STON1: variants seen among roughly 807,000 people sequenced by gnomAD.
The protein encoded by STON1 is stonin-1.
A neutral mutation model predicts 60.9 loss-of-function variants in STON1; 79 were observed. The ratio of observed to expected loss-of-function variants is 1.30; its 90% CI spans 1.08 to 1.56. STON1 has a LOEUF of 1.56. STON1 is among the 40% of genes most tolerant of loss of function. The pLI, the probability that STON1 is intolerant of heterozygous loss-of-function variation, is 0.00. For synonymous variants in STON1, 363 were observed against 306.9 expected (o/e 1.18, Z -1.91); for missense variants, 1,166 against 858.9 (o/e 1.36, Z -4.47).
chr2:48,530,694 C>G (rs998715623), intron 1 of STON1: 1 of 152,522 alleles, frequency 6.6e-6, no homozygotes, highest in Non-Finnish European at 1.5e-5. Flanking sequence ...TTGTCCCTCC[C>G]CGCTCCCTGG....
At position 48,582,028 on chromosome 2, in the gene STON1, G is replaced by A; in HGVS notation, c.1395G>A (p.Lys465=). ...FLTLNDLELP[K]RDESYYEKDS... Reference sequence around the variant, plus strand: ...CCTTGAATGACCTTGAGTTGCCGAAGCGAGATGAATCCTATTATGAGAAGG... The same window carrying A: ...CCTTGAATGACCTTGAGTTGCCGAAACGAGATGAATCCTATTATGAGAAGG... Residue 465 remains lysine (K), a synonymous_variant, in exon 2 of 4, where the codon AAG becomes AAA. Coordinates refer to ENST00000404752, the MANE Select transcript of STON1 (RefSeq NM_006873.4). 11 of 1,614,148 alleles carry A rather than the reference G, an allele frequency of 6.8e-6. No individual in the cohort carries two copies. Among genetic ancestry groups the A allele is most frequent in the Non-Finnish European group, 9.3e-6 (11 of 1,180,034 alleles).
intron 1 of STON1, among the ~76,000 whole-genome samples, chr2:48,536,837 C>G (rs937595353): frequency 6.6e-6 from 1 of 152,132 alleles, no homozygotes; most frequent in African/African-American, 2.4e-5. Flanking sequence ...CTATAAATGT[C>G]TTCTACAACT....
chr2:48,583,175 A>G (rs1558639554), intron 2 of STON1, among the ~76,000 whole-genome samples: 1 of 152,194 alleles, frequency 6.6e-6, no homozygotes, highest in Non-Finnish European at 1.5e-5. Context: ...TGCAGCCTCC[A>G]CTTCCCAGGC....
chr2:48,554,727 TTTA>T (rs1165542409), intron 1 of STON1, among the ~76,000 whole-genome samples: 5,287 of 48,474 alleles, frequency 0.11, 414 homozygotes, highest in Non-Finnish European at 0.16. Context: ...TTTTTTTTTA[TTTA>T]TTTATTTATT....
intron 1 of STON1, among the ~76,000 whole-genome samples, chr2:48,552,168 A>C (rs1413964655): frequency 6.6e-6 from 1 of 152,250 alleles, no homozygotes; most frequent in Non-Finnish European, 1.5e-5. Context: ...TTCAGCCTTA[A>C]AAAGGAATGA....
At chr2:48,540,356 C>T (rs1226192213) in intron 1 of STON1, among the ~76,000 whole-genome samples, 1 of 152,170 alleles carries the variant, frequency 6.6e-6, no homozygotes, top group Non-Finnish European at 1.5e-5. Flanking sequence ...TTCTGCCCTC[C>T]TTTCACTTAC....
chr2:48,562,891 A>G (rs1434361797), intron 1 of STON1, among the ~76,000 whole-genome samples: 1 of 152,224 alleles, frequency 6.6e-6, no homozygotes, highest in Non-Finnish European at 1.5e-5. Flanking sequence ...TTCCTCCTTG[A>G]TAACTTGGAC....
intron 1 of STON1, among the ~76,000 whole-genome samples, chr2:48,553,925 G>C (rs1672203504): frequency 6.6e-6 from 1 of 152,046 alleles, no homozygotes; most frequent in African/African-American, 2.4e-5. Flanking sequence ...CTAAATACTG[G>C]CTTCATGGTT....
intron 2 of STON1, among the ~76,000 whole-genome samples, chr2:48,585,037 C>T (rs1674127311): frequency 6.6e-6 from 1 of 152,098 alleles, no homozygotes; most frequent in Admixed American, 6.6e-5. Flanking sequence ...CCAAATTTCA[C>T]CCCACAGCGT....
chr2:48,595,162 A>T (rs1257417824), intron 3 of STON1, 66 bp from the exon 4 acceptor site: 2 of 1,233,768 alleles, frequency 1.6e-6, no homozygotes, highest in African/African-American at 1.5e-5. Flanking sequence ...ATAAAATAGG[A>T]CTGAAGAGGT....
intron 2 of STON1, among the ~76,000 whole-genome samples, chr2:48,590,799 A>G (rs1674471986): frequency 6.6e-6 from 1 of 152,204 alleles, no homozygotes; most frequent in African/African-American, 2.4e-5. Context: ...ATTAAAGGCC[A>G]ATATGCCCAT....
intron 1 of STON1, among the ~76,000 whole-genome samples, chr2:48,561,538 T>A (rs1441452906): frequency 6.6e-6 from 1 of 152,150 alleles, no homozygotes; most frequent in Non-Finnish European, 1.5e-5. Context: ...GAAGGGTGGA[T>A]CCCAGCTCAC....
At chr2:48,549,270 A>C (rs1283072374) in intron 1 of STON1, among the ~76,000 whole-genome samples, 1 of 152,180 alleles carries the variant, frequency 6.6e-6, no homozygotes, top group Non-Finnish European at 1.5e-5. Flanking sequence ...TTTCAAGTCC[A>C]TTGCCTTATA....
At chr2:48,531,547 A>G (rs536342214) in intron 1 of STON1, 3 of 152,296 alleles carry the variant, frequency 2.0e-5, no homozygotes, top group South Asian at 2.1e-4. Context: ...TAATTCTCGG[A>G]TGGGTCTGGA....
rs887817680 is a variant in STON1 at position 48,582,276 on chromosome 2, A to G, written c.1643A>G (p.Asn548Ser). Reference sequence around the variant, plus strand: ...TACGTGGAACTTCAGGCTTTTGTCAACATGGCCTCATTGGCGCAGAGGTCA... The same window carrying G: ...TACGTGGAACTTCAGGCTTTTGTCAGCATGGCCTCATTGGCGCAGAGGTCA... ...GAYVELQAFVNMASLAQRSSY... is the reference protein window; with the variant it reads ...GAYVELQAFVSMASLAQRSSY... Residue 548 changes from asparagine to serine, a missense_variant, in exon 2 of 4, where the codon AAC becomes AGC. Coordinates refer to ENST00000404752, the MANE Select transcript of STON1 (RefSeq NM_006873.4). The G allele has an allele frequency of 1.9e-6, 3 of 1,614,210 alleles. No homozygotes were observed. The African/African-American group carries it at 4.0e-5, about 22-fold the overall frequency.
chr2:48,549,123 T>C (rs1671986157), intron 1 of STON1, among the ~76,000 whole-genome samples: 1 of 152,190 alleles, frequency 6.6e-6, no homozygotes, highest in East Asian at 1.9e-4. Flanking sequence ...TCCCTCTGTG[T>C]GGTCATTGTA....
intron 1 of STON1, among the ~76,000 whole-genome samples, chr2:48,570,903 C>T (rs1314057278): frequency 6.8e-6 from 1 of 146,980 alleles, no homozygotes; most frequent in Admixed American, 6.9e-5. Flanking sequence ...TGCACTATCC[C>T]CCAGGCTGGA....
At position 48,582,030 on chromosome 2, in the gene STON1, G is replaced by A. The variant is rs771873180; in HGVS notation, c.1397G>A (p.Arg466Gln). The A allele has an allele frequency of 2.4e-5, 38 of 1,614,052 alleles. No homozygotes were observed. The highest frequency in any genetic ancestry group is 6.7e-5 in the East Asian group (3 of 44,898). ...LTLNDLELPK[R>Q]DESYYEKDSE... is the part of the protein sequence containing the mutation. ...TTGAATGACCTTGAGTTGCCGAAGC[G>A]AGATGAATCCTATTATGAGAAGGAC... The change falls in exon 2 of 4, where the codon CGA becomes CAA. Residue 466 changes from arginine (R) to glutamine (Q), a missense_variant. By Grantham distance (43) the Arg-to-Gln change is conservative. Transcript: ENST00000404752.
chr2:48,557,094 C>G (rs1249788853), intron 1 of STON1, among the ~76,000 whole-genome samples: 1 of 106,652 alleles, frequency 9.4e-6, no homozygotes, highest in Non-Finnish European at 2.0e-5. Context: ...ACCTCCCTCC[C>G]GGACGGGGTG....
Sources: gnomAD v4.1 joint callset for allele counts (sites outside exome capture counted in the v4.1 genomes callset) on GRCh38, gnomAD v4.1.1 for gene constraint, MANE v1.5 for transcripts, NCBI Gene and HGNC (gene_info 2026-07-23, HGNC 2026-07-21) for gene names.